Variants in RITA1 observed in about 807,000 individuals in gnomAD.
RITA1 encodes RBPJ-interacting and tubulin-associated protein 1.
In RITA1, 15 loss-of-function variants were observed where a neutral mutation model predicts 8.7. The ratio of observed to expected loss-of-function variants is 1.72; its 90% CI spans 1.15 to 2.65. The LOEUF (loss-of-function observed/expected upper bound fraction) is 2.65, where lower values mean the gene tolerates loss of function less well. Among genes scored for constraint, RITA1 ranks in the 30% most tolerant of loss-of-function variants. The probability of loss-of-function intolerance (pLI) is 0.00; values close to 1 mark genes in which losing one functional copy is unlikely to be tolerated. For missense variants in RITA1, 330 were observed against 363.8 expected (o/e 0.91, Z 0.76); for synonymous variants, 145 against 156.2 (o/e 0.93, Z 0.53).
chr12:113,191,544 C>T lies in RITA1; in HGVS notation c.537C>T (p.Asp179=), dbSNP rs755006023. The change falls in exon 4 of 4, where the codon GAC becomes GAT. Residue 179 remains aspartate, a synonymous_variant. Coordinates refer to ENST00000548278, the MANE Select transcript of RITA1 (RefSeq NM_032848.3). This position sits in a 1 kb window ranked among gnomAD's most constrained non-coding sequence, Gnocchi z 4.0. The part of the protein sequence containing the change: ...PSKTEPGPAA[D]SQKLSMGGLH... The stretch of plus-strand genomic sequence containing the variant: ...AGACAGAGCCGGGGCCAGCGGCAGA[C>T]TCCCAGAAGTTATCTATGGGTGGGT... The T allele has an allele frequency of 2.5e-6, 4 of 1,613,850 alleles. No individual in the cohort carries two copies. In the South Asian group the frequency reaches 3.3e-5, roughly 13 times the overall value.
At chr12:113,186,142 A>G (rs1192637445) in intron 1 of RITA1, 43 bp from the exon 2 acceptor site, 14 of 1,451,822 alleles carry the variant, frequency 9.6e-6, no homozygotes, top group Non-Finnish European at 1.2e-5. Context: ...AGTGTAGCCA[A>G]GTACACAAGC....
In RITA1 at chr12:113,191,336, G is replaced by C. The variant is rs1220938430; in HGVS notation, c.329G>C (p.Cys110Ser). The C allele has an allele frequency of 6.4e-7, 1 of 1,558,330 alleles. No individual in the cohort carries two copies. Among genetic ancestry groups the C allele is most frequent in the Non-Finnish European group, 8.7e-7 (1 of 1,150,960 alleles). Residue 110 changes from cysteine to serine, a missense_variant, in exon 4 of 4, where the codon TGT becomes TCT. Coordinates refer to ENST00000548278, the MANE Select transcript of RITA1 (RefSeq NM_032848.3). The surrounding 1 kb of genome is among the most constrained non-coding windows in gnomAD (Gnocchi z 4.0). Reference protein sequence around the residue: ...YRPISHTPSYCDESLFGSRSE... With the variant: ...YRPISHTPSYSDESLFGSRSE... Reference sequence around the variant, plus strand: ...CCCATCAGCCACACCCCGTCTTACTGTGATGAGTCGCTGTTTGGCTCCCGA... The same window carrying C: ...CCCATCAGCCACACCCCGTCTTACTCTGATGAGTCGCTGTTTGGCTCCCGA...
Position 113,192,167 on chromosome 12 carries a change from C to A in RITA1, c.*350C>A. The stretch of plus-strand genomic sequence containing the variant: ...GGCGTGATTGCCAACCTGGAGGGTC[C>A]CCTCTTATCCCTTCAAGCCAAGCTT... On this transcript the variant is annotated 3_prime_UTR_variant, in exon 4 of 4. Transcript: ENST00000548278. 4.5e-6 allele frequency: 1 copy of A among 219,888 alleles called. No individual in the cohort carries two copies. Among genetic ancestry groups the A allele is most frequent in the Non-Finnish European group, 9.0e-6 (1 of 111,064 alleles). The allele number at this position is 219,888 out of a possible 1,614,324, so 13.6% of individuals were successfully genotyped here. A position where few individuals can be genotyped will look rare whatever the true frequency, so the allele number is the denominator to read the frequency against.
Position 113,191,866 on chromosome 12 carries a change from C to T in RITA1, c.*49C>T. 5.2e-6 allele frequency: 8 copies of T among 1,534,042 alleles called. No individual in the cohort carries two copies. The highest frequency in any genetic ancestry group is 6.1e-6 in the Non-Finnish European group (7 of 1,140,100). The stretch of plus-strand genomic sequence containing the variant: ...TGGGGCCACGGCGACAGGTATGGCC[C>T]CTTGCCAGGGTAGGAGGACATTCAT... On this transcript the variant is annotated 3_prime_UTR_variant, in exon 4 of 4. Coordinates refer to ENST00000548278, the MANE Select transcript of RITA1 (RefSeq NM_032848.3). This position sits in a 1 kb window ranked among gnomAD's most constrained non-coding sequence, Gnocchi z 4.0.
Position 113,185,814 on chromosome 12 carries a change from C to T in RITA1, c.-404C>T. 1 of 676,710 alleles carries T rather than the reference C, an allele frequency of 1.5e-6. No individual in the cohort carries two copies. The highest frequency in any genetic ancestry group is 1.8e-5 in the African/African-American group (1 of 55,250). The allele number at this position is 676,710 out of a possible 1,614,324, so 41.9% of individuals were successfully genotyped here. A position where few individuals can be genotyped will look rare whatever the true frequency, so the allele number is the denominator to read the frequency against. On this transcript the variant is annotated 5_prime_UTR_variant, in exon 1 of 4. Transcript: ENST00000548278. ...CGTTCACACGTAGCCTGTGCCGGCT[C>T]CTCGGGTGAGTCCGTCCGCGCGCGG...
rs760372956 is a variant in RITA1 at position 113,188,787 on chromosome 12, CTTTTTTTTTTTTTTTTTTT to C, written c.302+1762_302+1780del. Among the ~76,000 whole-genome samples the C allele has an allele frequency of 4.5e-4, 33 of 73,206 alleles. No homozygotes were observed. In the South Asian group the frequency reaches 4.9e-3, roughly 11 times the overall value. 48.0% of individuals were successfully genotyped at this position (73,206 alleles called of 152,430 possible). A position where few individuals can be genotyped will look rare whatever the true frequency, so the allele number is the denominator to read the frequency against. ...TATAATGTTATTTAGCCTTAGTTACCTTTTTTTTTTTTTTTTTTTTTTTTTTTTTTTTTTTTTTTTTGAG... is the reference window on the plus strand; with the variant it reads ...TATAATGTTATTTAGCCTTAGTTACCTTTTTTTTTTTTTTTTTTTTTTGAG... On this transcript the variant is annotated intron_variant, in intron 3 of 3. Transcript: ENST00000548278.
Position 113,186,219 on chromosome 12 carries a change from T to C in RITA1, c.-162T>C, listed in dbSNP as rs1426523227. 7.4e-7 allele frequency: 1 copy of C among 1,358,490 alleles called. No homozygotes were observed. The highest frequency in any genetic ancestry group is 9.8e-7 in the Non-Finnish European group (1 of 1,024,334). 84.2% of individuals were successfully genotyped at this position (1,358,490 alleles called of 1,614,324 possible). A position where few individuals can be genotyped will look rare whatever the true frequency, so the allele number is the denominator to read the frequency against. ...TGTGACCTACACATGTGACTTCACC[T>C]CAGTTTTGTGATCCGTAAAATGGAC... On this transcript the variant is annotated 5_prime_UTR_variant, in exon 2 of 4. Transcript: ENST00000548278.
At chr12:113,186,359 A>C in intron 2 of RITA1, 43 bp downstream of exon 2, 1 of 1,376,194 alleles carries the variant, frequency 7.3e-7, no homozygotes. Context: ...CCCCACCCCC[A>C]TCAGTACACA....
chr12:113,185,798 G>A lies in RITA1; in HGVS notation c.-420G>A. ...TTCTGGATTCGCGGGCCGTTCACAC[G>A]TAGCCTGTGCCGGCTCCTCGGGTGA... On this transcript the variant is annotated 5_prime_UTR_variant, in exon 1 of 4. Transcript: ENST00000548278. 4.7e-6 allele frequency: 3 copies of A among 635,546 alleles called. No individual in the cohort carries two copies. Among genetic ancestry groups the A allele is most frequent in the South Asian group, 3.9e-5 (2 of 51,018 alleles). The allele number at this position is 635,546 out of a possible 1,614,324, so 39.4% of individuals were successfully genotyped here.
In RITA1 at chr12:113,192,053, C is replaced by G. The variant is rs1459083969; in HGVS notation, c.*236C>G. On this transcript the variant is annotated 3_prime_UTR_variant, in exon 4 of 4. Transcript: ENST00000548278. ...ACCTCTAAGATGCCTCTCTCCAGCCCTGTCTCAACCATACTCCAAATTAGT... is the reference window on the plus strand; with the variant it reads ...ACCTCTAAGATGCCTCTCTCCAGCCGTGTCTCAACCATACTCCAAATTAGT... 5 of 537,308 alleles carry G rather than the reference C, an allele frequency of 9.3e-6. No individual in the cohort carries two copies. Among genetic ancestry groups the G allele is most frequent in the Non-Finnish European group, 1.6e-5 (5 of 312,226 alleles). The allele number at this position is 537,308 out of a possible 1,614,324, so 33.3% of individuals were successfully genotyped here.
At chr12:113,187,196 T>C in intron 3 of RITA1, 148 bp downstream of exon 3, 2 of 789,086 alleles carry the variant, frequency 2.5e-6, no homozygotes, top group Non-Finnish European at 3.9e-6. Flanking sequence ...GGACCAATTA[T>C]TCCTACCTAG....
chr12:113,188,025 C>A (rs2136334035), intron 3 of RITA1, among the ~76,000 whole-genome samples: 1 of 152,118 alleles, frequency 6.6e-6, no homozygotes, highest in South Asian at 2.1e-4. Flanking sequence ...GACAAAATAC[C>A]ACAGACTGGG....
At chr12:113,190,166 T>C (rs1952585426) in intron 3 of RITA1, among the ~76,000 whole-genome samples, 1 of 151,626 alleles carries the variant, frequency 6.6e-6, no homozygotes, top group Non-Finnish European at 1.5e-5. Context: ...CCCCCGTCTC[T>C]ACTAAAAATA....
chr12:113,186,810 C>T lies in RITA1; in HGVS notation c.64C>T (p.Arg22Ter), dbSNP rs140263192. The T allele has an allele frequency of 4.3e-6, 7 of 1,613,696 alleles. No individual in the cohort carries two copies. The South Asian group carries it at 4.4e-5, about 10-fold the overall frequency. ...MQTLGLQHRC[R>*]GGYRVKARTS... Reference sequence around the variant, plus strand: ...GACCCTCGGCCTTCAGCACCGCTGCCGAGGTGGCTACCGGGTCAAGGCCAG... The same window carrying T: ...GACCCTCGGCCTTCAGCACCGCTGCTGAGGTGGCTACCGGGTCAAGGCCAG... Residue 22 changes from arginine (R) to a stop codon, truncating the protein, a stop_gained, in exon 3 of 4, where the codon CGA becomes TGA. Coordinates refer to ENST00000548278, the MANE Select transcript of RITA1 (RefSeq NM_032848.3). LOFTEE classifies it high-confidence loss of function.
intron 3 of RITA1, among the ~76,000 whole-genome samples, chr12:113,189,732 T>TA (rs34117781): frequency 0.21 from 15,992 of 77,042 alleles, 1,206 homozygotes; most frequent in African/African-American, 0.24. Flanking sequence ...ATCTGTTGAA[T>TA]AAAAAAAAAA....
At position 113,186,974 on chromosome 12, in the gene RITA1, A is replaced by G; in HGVS notation, c.228A>G (p.Ala76=). The G allele has an allele frequency of 1.2e-6, 2 of 1,613,478 alleles. No homozygotes were observed. Among genetic ancestry groups the G allele is most frequent in the East Asian group, 4.5e-5 (2 of 44,880 alleles). Reference sequence around the variant, plus strand: ...AGGAGGCATCGAAGGCCTTGGGGGCAAAGGGGAGCTGTGAGACCACCCCCT... The same window carrying G: ...AGGAGGCATCGAAGGCCTTGGGGGCGAAGGGGAGCTGTGAGACCACCCCCT... ...VGKEASKALG[A]KGSCETTPSR... is the part of the protein sequence containing the mutation. Residue 76 remains alanine (A), a synonymous_variant, in exon 3 of 4, where the codon GCA becomes GCG. Coordinates refer to ENST00000548278, the MANE Select transcript of RITA1 (RefSeq NM_032848.3).
At chr12:113,188,845 C>CT (rs1952568223) in intron 3 of RITA1, among the ~76,000 whole-genome samples, 1 of 101,534 alleles carries the variant, frequency 9.8e-6, no homozygotes. Flanking sequence ...GAGTCTGGCT[C>CT]TGTCGCCCAG....
chr12:113,185,760 C>G lies in RITA1; in HGVS notation c.-458C>G. ...CTCCCTGGTTGCTGGGTGCAAAGTG[C>G]TGGGTTCTGGGTTTCTGGATTCGCG... On this transcript the variant is annotated 5_prime_UTR_variant, in exon 1 of 4. Coordinates refer to ENST00000548278, the MANE Select transcript of RITA1 (RefSeq NM_032848.3). 1 of 601,448 alleles carries G rather than the reference C, an allele frequency of 1.7e-6. No homozygotes were observed. 37.3% of individuals were successfully genotyped at this position (601,448 alleles called of 1,614,324 possible). A position where few individuals can be genotyped will look rare whatever the true frequency, so the allele number is the denominator to read the frequency against.
intron 3 of RITA1, 43 bp downstream of exon 3, chr12:113,187,091 A>G (rs1474898572): frequency 6.8e-7 from 1 of 1,481,356 alleles, no homozygotes; most frequent in South Asian, 1.4e-5. Context: ...CAGTGCAGCC[A>G]CCTGGATTCC....
Sources: allele counts gnomAD v4.1 joint callset (sites outside exome capture counted in the v4.1 genomes callset), GRCh38; gene constraint gnomAD v4.1.1; non-coding constraint Gnocchi (gnomAD v3.1); transcripts MANE v1.5; gene names NCBI Gene and HGNC (gene_info 2026-07-23, HGNC 2026-07-21).